The following ZDHHC14 variants were observed in gnomAD, a reference collection of about 807,000 sequenced individuals.
ZDHHC14 encodes the protein palmitoyltransferase ZDHHC14.
ZDHHC14 carries 16 observed loss-of-function variants against 47.7 expected under a neutral mutation model. The observed-to-expected ratio is 0.34, with a 90% confidence interval of 0.23 to 0.51. ZDHHC14 has a LOEUF of 0.51. Among genes scored for constraint, ZDHHC14 ranks in the 20% least tolerant of loss-of-function variants. The probability of loss-of-function intolerance (pLI) is 0.97; values close to 1 mark genes in which losing one functional copy is unlikely to be tolerated. For synonymous variants in ZDHHC14, 293 were observed against 278.9 expected (o/e 1.05, Z -0.50); for missense variants, 515 against 662.5 (o/e 0.78, Z 2.44).
intron 1 of ZDHHC14, among the ~76,000 whole-genome samples, chr6:157,515,708 G>A (rs1237730122): frequency 2.6e-5 from 4 of 151,432 alleles, no homozygotes; most frequent in African/African-American, 4.8e-5. Context: ...CTCGTGATCC[G>A]CCCACCTCGG....
intron 1 of ZDHHC14, among the ~76,000 whole-genome samples, chr6:157,450,633 A>G (rs775572075): frequency 4.6e-5 from 7 of 152,194 alleles, no homozygotes; most frequent in African/African-American, 7.2e-5. Flanking sequence ...TGGATCAACC[A>G]TTACTTTAAA....
chr6:157,479,349 G>GT (rs950404725), intron 1 of ZDHHC14, among the ~76,000 whole-genome samples: 4 of 152,032 alleles, frequency 2.6e-5, no homozygotes, highest in Non-Finnish European at 4.4e-5. Context: ...GTGTCTTAAG[G>GT]TTTTTTTTAC....
At chr6:157,666,720 C>T (rs914722861) in intron 8 of ZDHHC14, among the ~76,000 whole-genome samples, 20 of 152,316 alleles carry the variant, frequency 1.3e-4, no homozygotes, top group African/African-American at 4.6e-4. Context: ...TCTGTACACT[C>T]GGTTTTTTCA....
intron 1 of ZDHHC14, among the ~76,000 whole-genome samples, chr6:157,464,832 C>CAGGAT (rs1185774710): frequency 1.3e-5 from 2 of 152,304 alleles, no homozygotes; most frequent in East Asian, 3.9e-4. Context: ...GGCCGTCCGC[C>CAGGAT]CTTGGCTGCC....
chr6:157,534,280 C>T (rs1439361232), intron 1 of ZDHHC14, among the ~76,000 whole-genome samples: 3 of 152,182 alleles, frequency 2.0e-5, no homozygotes, highest in Admixed American at 6.5e-5. Flanking sequence ...CTTGCCCTGA[C>T]GATGCCTTAC....
chr6:157,641,589 AAATAAT>A (rs1402830717), intron 5 of ZDHHC14, among the ~76,000 whole-genome samples: 3 of 152,120 alleles, frequency 2.0e-5, no homozygotes, highest in African/African-American at 2.4e-5. Context: ...TGTTTCTCAA[AAATAAT>A]AATAATAATA....
At chr6:157,626,903 G>GA (rs1785453121) in intron 3 of ZDHHC14, among the ~76,000 whole-genome samples, 1 of 150,060 alleles carries the variant, frequency 6.7e-6, no homozygotes, top group African/African-American at 2.5e-5. Context: ...GGGGGGGGCG[G>GA]CGGGGGCAGC....
At chr6:157,399,834 G>A (rs1456790138) in intron 1 of ZDHHC14, among the ~76,000 whole-genome samples, 3 of 152,236 alleles carry the variant, frequency 2.0e-5, no homozygotes, top group Non-Finnish European at 4.4e-5. Flanking sequence ...GCAGGTGCAG[G>A]TCCAAGGTGG....
intron 1 of ZDHHC14, among the ~76,000 whole-genome samples, chr6:157,488,788 C>G (rs939619089): frequency 6.6e-6 from 1 of 152,224 alleles, no homozygotes; most frequent in African/African-American, 2.4e-5. Context: ...AGAGCATACA[C>G]GTTTGCATGA....
In ZDHHC14 at chr6:157,586,447, G is replaced by C. The variant is rs1783700405; in HGVS notation, c.407-6541G>C. ...TTGCCCGCTCAGGGAAACCCAAGGAGGCCACCGTGTTTTGAGCATAGGCTC... is the reference window on the plus strand; with the variant it reads ...TTGCCCGCTCAGGGAAACCCAAGGACGCCACCGTGTTTTGAGCATAGGCTC... On this transcript the variant is annotated intron_variant, in intron 2 of 8. Coordinates refer to ENST00000359775, the MANE Select transcript of ZDHHC14 (RefSeq NM_024630.3). This position sits in a 1 kb window ranked among gnomAD's most constrained non-coding sequence, Gnocchi z 4.6. Among the ~76,000 whole-genome samples the C allele has an allele frequency of 6.6e-6, 1 of 152,208 alleles. No homozygotes were observed. The highest frequency in any genetic ancestry group is 1.5e-5 in the Non-Finnish European group (1 of 68,038).
chr6:157,527,020 G>A (rs192130676), intron 1 of ZDHHC14, among the ~76,000 whole-genome samples: 129 of 152,228 alleles, frequency 8.5e-4, no homozygotes, highest in South Asian at 4.8e-3. Flanking sequence ...ACTTGATTAC[G>A]TACCTCCCCT....
At chr6:157,490,838 T>G (rs1029522801) in intron 1 of ZDHHC14, among the ~76,000 whole-genome samples, 2 of 152,186 alleles carry the variant, frequency 1.3e-5, no homozygotes, top group Non-Finnish European at 2.9e-5. Flanking sequence ...TTCTGCCAGT[T>G]GTTGAATGCC....
intron 3 of ZDHHC14, among the ~76,000 whole-genome samples, chr6:157,607,704 C>G (rs781443108): frequency 1.3e-5 from 2 of 152,114 alleles, no homozygotes; most frequent in Non-Finnish European, 2.9e-5. Flanking sequence ...AGCCTTTGTT[C>G]CCTCTCGTTG....
intron 2 of ZDHHC14, among the ~76,000 whole-genome samples, chr6:157,559,100 G>A (rs1037594196): frequency 7.9e-5 from 12 of 152,206 alleles, no homozygotes; most frequent in African/African-American, 2.9e-4. Context: ...ATGATAAATG[G>A]TTGTTGGTTT....
intron 3 of ZDHHC14, among the ~76,000 whole-genome samples, chr6:157,612,663 A>G (rs1784797430): frequency 1.3e-5 from 2 of 152,180 alleles, no homozygotes; most frequent in African/African-American, 4.8e-5. Context: ...GTAAGCTTCA[A>G]GAGGCCAGGC....
At chr6:157,387,791 A>G (rs747244325) in intron 1 of ZDHHC14, among the ~76,000 whole-genome samples, 2 of 152,246 alleles carry the variant, frequency 1.3e-5, no homozygotes, top group Non-Finnish European at 2.9e-5. Context: ...TACCTGGTCT[A>G]TAATAGCAAG....
At chr6:157,668,331 G>T (rs778382863) in intron 8 of ZDHHC14, among the ~76,000 whole-genome samples, 2 of 151,984 alleles carry the variant, frequency 1.3e-5, no homozygotes, top group Non-Finnish European at 2.9e-5. Flanking sequence ...ATAAGTCAGG[G>T]TTCCAAAGAG....
At chr6:157,515,273 A>G (rs1013389441) in intron 1 of ZDHHC14, among the ~76,000 whole-genome samples, 3 of 152,112 alleles carry the variant, frequency 2.0e-5, no homozygotes, top group African/African-American at 7.2e-5. Flanking sequence ...ACAGTGAGGA[A>G]TGAACACTGC....
At chr6:157,530,002 C>T (rs927104592) in intron 1 of ZDHHC14, among the ~76,000 whole-genome samples, 1 of 152,152 alleles carries the variant, frequency 6.6e-6, no homozygotes, top group Non-Finnish European at 1.5e-5. Flanking sequence ...AGACAATTAG[C>T]TGTGTACATT....
Sources: allele counts gnomAD v4.1 joint callset (sites outside exome capture counted in the v4.1 genomes callset), GRCh38; gene constraint gnomAD v4.1.1; non-coding constraint Gnocchi (gnomAD v3.1); transcripts MANE v1.5; gene names NCBI Gene and HGNC (gene_info 2026-07-23, HGNC 2026-07-21).